CDH12: variants seen among roughly 807,000 people sequenced by gnomAD.
The protein encoded by CDH12 is cadherin-12.
In CDH12, 41 loss-of-function variants were observed where a neutral mutation model predicts 74.1. The ratio of observed to expected loss-of-function variants is 0.55; its 90% CI spans 0.43 to 0.72. CDH12 has a LOEUF of 0.72. Ranked by LOEUF, CDH12 falls within the 30% of genes least tolerant of loss-of-function variation. The pLI, the probability that CDH12 is intolerant of heterozygous loss-of-function variation, is 0.00. For missense variants in CDH12, 945 were observed against 977.2 expected, an observed-to-expected ratio of 0.97 and a Z score of 0.44; for synonymous variants, 399 against 355.0, an observed-to-expected ratio of 1.12 and a Z score of -1.39.
At chr5:21,834,116 G>A (rs116509338) in intron 8 of CDH12, among the ~76,000 whole-genome samples, 162 of 151,160 alleles carry the variant, frequency 1.1e-3, no homozygotes, top group African/African-American at 3.8e-3. Flanking sequence ...GACTCAGCTA[G>A]TACCTGAATA....
intron 6 of CDH12, among the ~76,000 whole-genome samples, chr5:21,928,267 AG>A (rs1424178561): frequency 6.6e-6 from 1 of 152,150 alleles, no homozygotes; most frequent in Non-Finnish European, 1.5e-5. Flanking sequence ...GAAAGGCTTT[AG>A]TGAGGACAAA....
chr5:22,732,252 C>T (rs1427032401), intron 1 of CDH12, among the ~76,000 whole-genome samples: 1 of 151,750 alleles, frequency 6.6e-6, no homozygotes, highest in Non-Finnish European at 1.5e-5. Flanking sequence ...CTGTATATAT[C>T]TTTGTCCTAA....
intron 3 of CDH12, among the ~76,000 whole-genome samples, chr5:22,359,299 A>T (rs1740698755): frequency 6.6e-6 from 1 of 152,192 alleles, no homozygotes; most frequent in Admixed American, 6.5e-5. Context: ...GAAAAAACAG[A>T]TTTTAAAACA....
At chr5:22,067,752 C>G (rs1741668458) in intron 5 of CDH12, among the ~76,000 whole-genome samples, 1 of 152,062 alleles carries the variant, frequency 6.6e-6, no homozygotes, top group African/African-American at 2.4e-5. Flanking sequence ...AAGTATCCTT[C>G]AAAAGATACT....
At chr5:22,588,276 TATC>T (rs1740513715) in intron 1 of CDH12, among the ~76,000 whole-genome samples, 1 of 152,082 alleles carries the variant, frequency 6.6e-6, no homozygotes, top group South Asian at 2.1e-4. Flanking sequence ...ACATACTAAA[TATC>T]ATGTTAAAGC....
intron 4 of CDH12, among the ~76,000 whole-genome samples, chr5:22,185,847 T>G (rs889260965): frequency 6.6e-6 from 1 of 152,226 alleles, no homozygotes; most frequent in African/African-American, 2.4e-5. Flanking sequence ...CACTCTTTCT[T>G]TGTGTATGCT....
chr5:22,823,476 TTG>T (rs1346140099), intron 1 of CDH12, among the ~76,000 whole-genome samples: 3 of 152,122 alleles, frequency 2.0e-5, no homozygotes, highest in African/African-American at 7.2e-5. Flanking sequence ...TCCATCATGA[TTG>T]TGAGGCCTCC....
intron 2 of CDH12, among the ~76,000 whole-genome samples, chr5:22,498,074 T>C (rs1054048559): frequency 6.6e-6 from 1 of 152,174 alleles, no homozygotes; most frequent in African/African-American, 2.4e-5. Flanking sequence ...GGAAAGCTCT[T>C]CTTCAGACAC....
intron 5 of CDH12, among the ~76,000 whole-genome samples, chr5:22,011,793 T>C (rs1424162008): frequency 6.6e-6 from 1 of 152,202 alleles, no homozygotes; most frequent in Non-Finnish European, 1.5e-5. Context: ...AAGATTAATA[T>C]TCTATGAATA....
intron 3 of CDH12, among the ~76,000 whole-genome samples, chr5:22,382,766 G>A (rs1561361297): frequency 6.6e-6 from 1 of 152,018 alleles, no homozygotes; most frequent in Non-Finnish European, 1.5e-5. Context: ...AAAAGAAAAG[G>A]ATTACTTCTA....
At chr5:22,383,846 T>A (rs1741878114) in intron 3 of CDH12, among the ~76,000 whole-genome samples, 1 of 152,154 alleles carries the variant, frequency 6.6e-6, no homozygotes, top group African/African-American at 2.4e-5. Flanking sequence ...CTCTCCCCCA[T>A]TTCTCCCTCC....
At chr5:22,416,586 A>G (rs1237108613) in intron 2 of CDH12, among the ~76,000 whole-genome samples, 1 of 152,146 alleles carries the variant, frequency 6.6e-6, no homozygotes, top group Non-Finnish European at 1.5e-5. Flanking sequence ...GCTGCAATAC[A>G]CTTGGTTGAG....
At chr5:22,534,977 T>A (rs959987260) in intron 1 of CDH12, among the ~76,000 whole-genome samples, 1 of 117,146 alleles carries the variant, frequency 8.5e-6, no homozygotes, top group Non-Finnish European at 1.7e-5. Context: ...TTCTATTGCA[T>A]TTTTTTTTTT....
chr5:21,779,715 C>T lies in CDH12; in HGVS notation c.1393+3643G>A, dbSNP rs182357799. 9.1e-4 allele frequency among the ~76,000 whole-genome samples: 139 copies of T among 152,276 alleles called. 1 individual carries two copies. The highest frequency in any genetic ancestry group is 3.1e-3 in the African/African-American group (127 of 41,554). ...CAATTTGCAATAAGGTATACTTAAG[C>T]AATTTCATTCTTCTTGGCAGGGCAA... On this transcript the variant is annotated intron_variant, in intron 11 of 14. Transcript: ENST00000382254.
intron 3 of CDH12, among the ~76,000 whole-genome samples, chr5:22,227,093 TA>T (rs1181721562): frequency 6.6e-6 from 1 of 152,094 alleles, no homozygotes; most frequent in Non-Finnish European, 1.5e-5. Context: ...TTGTACAAGT[TA>T]ACACGTCTGG....
At chr5:21,854,573 T>A in intron 7 of CDH12, 98 bp downstream of exon 7, 1 of 929,074 alleles carries the variant, frequency 1.1e-6, no homozygotes, top group Non-Finnish European at 1.6e-6. Context: ...TGAAGCTTTA[T>A]GGCTATATTA....
intron 5 of CDH12, among the ~76,000 whole-genome samples, chr5:22,027,758 A>C (rs1738473746): frequency 6.6e-6 from 1 of 152,122 alleles, no homozygotes. Flanking sequence ...ATCCTTTCAA[A>C]AAACCAGCTC....
At chr5:22,814,653 A>T (rs1749302476) in intron 1 of CDH12, among the ~76,000 whole-genome samples, 1 of 152,194 alleles carries the variant, frequency 6.6e-6, no homozygotes, top group Non-Finnish European at 1.5e-5. Flanking sequence ...TTGTATTTGT[A>T]GCTAAGTATA....
intron 6 of CDH12, among the ~76,000 whole-genome samples, chr5:21,974,655 T>C (rs552933444): frequency 1.1e-4 from 16 of 152,288 alleles, no homozygotes; most frequent in Admixed American, 5.2e-4. Context: ...AAAAGATGCA[T>C]CACACCTGTT....
Sources: allele counts gnomAD v4.1 joint callset (sites outside exome capture counted in the v4.1 genomes callset), GRCh38; gene constraint gnomAD v4.1.1; transcripts MANE v1.5; gene names NCBI Gene and HGNC (gene_info 2026-07-23, HGNC 2026-07-21).